ATF6: variants seen among roughly 807,000 people sequenced by gnomAD.
ATF6 encodes activating transcription factor 6.
A neutral mutation model predicts 83.6 loss-of-function variants in ATF6; 53 were observed. The observed-to-expected ratio is 0.63, with a 90% confidence interval of 0.51 to 0.80. The LOEUF (loss-of-function observed/expected upper bound fraction) is 0.80. Among genes scored for constraint, ATF6 ranks in the 30% least tolerant of loss-of-function variants. The pLI is 0.00. For synonymous variants in ATF6, 288 were observed against 285.8 expected (o/e 1.01, Z -0.08); for missense variants, 744 against 797.9 (o/e 0.93, Z 0.81).
chr1:161,912,313 A>G lies in ATF6; in HGVS notation c.1737A>G (p.Pro579=). The G allele has an allele frequency of 1.2e-6, 2 of 1,606,742 alleles. No individual in the cohort carries two copies. The highest frequency in any genetic ancestry group is 1.7e-6 in the Non-Finnish European group (2 of 1,176,814). Residue 579 remains proline (P), a synonymous_variant, in exon 15 of 16, where the codon CCA becomes CCG. Coordinates refer to ENST00000367942, the MANE Select transcript of ATF6 (RefSeq NM_007348.4). ...VSFRRDHLLL[P]ATTHNKTTRP... is the part of the protein sequence containing the mutation. ...AATTTTAGGATCACCTGCTGTTACC[A>G]GCTACCACCCATAACAAGACCACAA...
At chr1:161,880,192 A>G (rs1687293007) in intron 14 of ATF6, among the ~76,000 whole-genome samples, 1 of 152,294 alleles carries the variant, frequency 6.6e-6, no homozygotes, top group South Asian at 2.1e-4. Context: ...TAAAATTGAT[A>G]GTGAAATTTT....
intron 14 of ATF6, among the ~76,000 whole-genome samples, chr1:161,866,458 G>T (rs1687002340): frequency 6.6e-6 from 1 of 152,128 alleles, no homozygotes; most frequent in South Asian, 2.1e-4. Context: ...TATGATCCCA[G>T]TACTCCAGAC....
At chr1:161,844,503 G>A (rs534577074) in intron 9 of ATF6, among the ~76,000 whole-genome samples, 4 of 152,046 alleles carry the variant, frequency 2.6e-5, no homozygotes, top group African/African-American at 9.7e-5. Flanking sequence ...TTAATAATTA[G>A]GGTGGTAGAG....
chr1:161,859,354 T>A (rs1181693916), intron 12 of ATF6, among the ~76,000 whole-genome samples: 1 of 152,248 alleles, frequency 6.6e-6, no homozygotes, highest in Non-Finnish European at 1.5e-5. Flanking sequence ...CATTGTATTG[T>A]TTTCCTATAT....
chr1:161,793,316 C>T (rs1339483212), intron 6 of ATF6, among the ~76,000 whole-genome samples: 2 of 152,060 alleles, frequency 1.3e-5, no homozygotes, highest in African/African-American at 2.4e-5. Flanking sequence ...TCCATCAGTC[C>T]CACCAAAAAT....
At chr1:161,908,836 G>T (rs2341476) in intron 14 of ATF6, among the ~76,000 whole-genome samples, 1 of 152,012 alleles carries the variant, frequency 6.6e-6, no homozygotes, top group Non-Finnish European at 1.5e-5. Flanking sequence ...TGGAGGGAAA[G>T]AAATACAAAT....
At chr1:161,906,688 C>G (rs1405516249) in intron 14 of ATF6, among the ~76,000 whole-genome samples, 2 of 152,100 alleles carry the variant, frequency 1.3e-5, no homozygotes, top group South Asian at 4.1e-4. Flanking sequence ...AAGTGTAAAC[C>G]TTGGCTCATT....
At chr1:161,946,990 C>T (rs1442002918) in intron 15 of ATF6, among the ~76,000 whole-genome samples, 1 of 152,118 alleles carries the variant, frequency 6.6e-6, no homozygotes. Context: ...GCTATAGCAC[C>T]AGAATTCACT....
intron 6 of ATF6, among the ~76,000 whole-genome samples, chr1:161,801,275 A>C: frequency 6.6e-6 from 1 of 150,688 alleles, no homozygotes; most frequent in East Asian, 1.9e-4. Flanking sequence ...TCTACAGACT[A>C]TTTTGAATCA....
At chr1:161,774,822 A>G (rs1684477600) in intron 1 of ATF6, among the ~76,000 whole-genome samples, 2 of 152,186 alleles carry the variant, frequency 1.3e-5, no homozygotes, top group African/African-American at 2.4e-5. Flanking sequence ...TTTACTTGCA[A>G]ACACTCATTG....
At chr1:161,909,255 G>A (rs1033228008) in intron 14 of ATF6, among the ~76,000 whole-genome samples, 8 of 152,200 alleles carry the variant, frequency 5.3e-5, no homozygotes, top group African/African-American at 1.7e-4. Context: ...GAACAAAGAC[G>A]GCTACTCCAG....
At chr1:161,777,794 C>CCTTAA (rs1182702779) in intron 1 of ATF6, among the ~76,000 whole-genome samples, 4 of 152,012 alleles carry the variant, frequency 2.6e-5, no homozygotes, top group Admixed American at 6.6e-5. Context: ...TTGGTTGCAC[C>CCTTAA]CTTAACTTAA....
intron 1 of ATF6, among the ~76,000 whole-genome samples, chr1:161,772,627 C>T (rs987316133): frequency 6.6e-6 from 1 of 152,088 alleles, no homozygotes; most frequent in Non-Finnish European, 1.5e-5. Context: ...AAGAATATTG[C>T]TCAAGCTATT....
intron 7 of ATF6, among the ~76,000 whole-genome samples, chr1:161,806,539 T>C (rs577112332): frequency 2.0e-5 from 3 of 152,282 alleles, no homozygotes; most frequent in East Asian, 3.9e-4. Flanking sequence ...AGAACTGATA[T>C]AGAACTATAA....
At chr1:161,921,041 TTTTG>T (rs1269175885) in intron 15 of ATF6, among the ~76,000 whole-genome samples, 1 of 151,976 alleles carries the variant, frequency 6.6e-6, no homozygotes, top group East Asian at 1.9e-4. Flanking sequence ...ATCCGTTGTT[TTTTG>T]TTTGTTTGTT....
At chr1:161,811,367 A>C (rs1430190445) in intron 7 of ATF6, among the ~76,000 whole-genome samples, 2 of 152,168 alleles carry the variant, frequency 1.3e-5, no homozygotes, top group African/African-American at 4.8e-5. Flanking sequence ...TTAAAGTGTT[A>C]TGGTTAGACT....
intron 15 of ATF6, among the ~76,000 whole-genome samples, chr1:161,937,370 A>AG (rs1688556908): frequency 1.3e-5 from 2 of 150,558 alleles, no homozygotes; most frequent in Admixed American, 1.3e-4. Context: ...AAAAAAAAAA[A>AG]TCACCTTAAT....
chr1:161,857,302 T>TCA (rs1179152424), intron 12 of ATF6, among the ~76,000 whole-genome samples: 32 of 152,166 alleles, frequency 2.1e-4, no homozygotes, highest in Non-Finnish European at 2.9e-5. Flanking sequence ...CTGTTGTATT[T>TCA]AAGCATTATG....
intron 14 of ATF6, among the ~76,000 whole-genome samples, chr1:161,871,916 G>A (rs772699757): frequency 1.5e-4 from 23 of 151,534 alleles, no homozygotes; most frequent in Non-Finnish European, 3.1e-4. Flanking sequence ...AAGTTACTAA[G>A]TGATTCAATC....
Sources: gnomAD v4.1 joint callset for allele counts (sites outside exome capture counted in the v4.1 genomes callset) on GRCh38, gnomAD v4.1.1 for gene constraint, MANE v1.5 for transcripts, NCBI Gene and HGNC (gene_info 2026-07-23, HGNC 2026-07-21) for gene names.